The following SLC24A2 variants were observed in gnomAD, a reference collection of about 807,000 sequenced individuals.
SLC24A2 encodes the protein sodium/potassium/calcium exchanger 2.
A neutral mutation model predicts 62.0 loss-of-function variants in SLC24A2; 36 were observed. The ratio of observed to expected loss-of-function variants is 0.58; its 90% confidence interval spans 0.44 to 0.77. The LOEUF (loss-of-function observed/expected upper bound fraction) is 0.77, where lower values mean the gene tolerates loss of function less well. Among genes scored for constraint, SLC24A2 ranks in the 30% least tolerant of loss-of-function variants. SLC24A2 has a pLI of 0.00. For missense variants in SLC24A2, 846 were observed against 817.9 expected (o/e 1.03, Z -0.42); for synonymous variants, 358 against 294.0 (o/e 1.22, Z -2.23).
chr9:20,094,412 C>T, the SLC24A2 span, among the ~76,000 whole-genome samples: 10 of 152,108 alleles, frequency 6.6e-5, no homozygotes, highest in South Asian at 2.1e-4. Flanking sequence ...AAAGGAACTG[C>T]GAGTATTTGT....
chr9:20,091,044 G>A, the SLC24A2 span, among the ~76,000 whole-genome samples: 1 of 150,356 alleles, frequency 6.7e-6, no homozygotes, highest in Admixed American at 6.6e-5. Flanking sequence ...CACACCACAA[G>A]AATTTCACAA....
intron 8 of SLC24A2, among the ~76,000 whole-genome samples, chr9:19,536,762 C>A (rs1586913334): frequency 3.3e-5 from 1 of 30,194 alleles, no homozygotes; most frequent in Middle Eastern, 0.011. Flanking sequence ...TTCTAGATCC[C>A]TGAGGAATAG....
the SLC24A2 span, among the ~76,000 whole-genome samples, chr9:19,963,518 A>G: frequency 0.019 from 2,847 of 152,078 alleles, 45 homozygotes; most frequent in African/African-American, 0.063. Flanking sequence ...AAACAAATTT[A>G]CAAGAAAAAA....
intron 2 of SLC24A2, among the ~76,000 whole-genome samples, chr9:19,682,485 T>TA (rs1819751337): frequency 6.6e-6 from 1 of 152,114 alleles, no homozygotes; most frequent in African/African-American, 2.4e-5. Flanking sequence ...ACTAAAATAG[T>TA]AAAGGGGAAA....
chr9:20,206,261 T>C, the SLC24A2 span, among the ~76,000 whole-genome samples: 1 of 152,320 alleles, frequency 6.6e-6, no homozygotes, highest in Non-Finnish European at 1.5e-5. Context: ...TACATAACTG[T>C]GTCAGGCTGG....
chr9:19,555,016 CA>C (rs1563960187), intron 7 of SLC24A2, among the ~76,000 whole-genome samples: 1 of 152,112 alleles, frequency 6.6e-6, no homozygotes, highest in Non-Finnish European at 1.5e-5. Context: ...TAATGCAGGT[CA>C]GGGGGCCACA....
At chr9:19,879,249 G>A in the SLC24A2 span, among the ~76,000 whole-genome samples, 26 of 152,144 alleles carry the variant, frequency 1.7e-4, no homozygotes, top group African/African-American at 1.2e-4. Context: ...AGACAGGCTG[G>A]GAGTCAAGGA....
the SLC24A2 span, among the ~76,000 whole-genome samples, chr9:19,820,056 CACATATAT>C: frequency 1.7e-3 from 35 of 20,730 alleles, no homozygotes; most frequent in Middle Eastern, 0.083. Context: ...TATATATATA[CACATATAT>C]ATATATATAT....
chr9:19,523,863 C>T (rs990736976), intron 9 of SLC24A2, among the ~76,000 whole-genome samples: 13 of 152,104 alleles, frequency 8.5e-5, no homozygotes, highest in Non-Finnish European at 1.8e-4. Context: ...CTTACTGGGG[C>T]CAATTCACAT....
the SLC24A2 span, among the ~76,000 whole-genome samples, chr9:20,008,737 C>G: frequency 6.6e-6 from 1 of 152,154 alleles, no homozygotes; most frequent in Admixed American, 6.5e-5. Context: ...CCCCAAATTC[C>G]AAATTCCAGA....
intron 7 of SLC24A2, among the ~76,000 whole-genome samples, chr9:19,572,259 CAA>C (rs34529143): frequency 2.3e-3 from 158 of 69,764 alleles, no homozygotes; most frequent in African/African-American, 7.8e-3. Flanking sequence ...GAGTCCGTCT[CAA>C]AAAAAAAAAA....
the SLC24A2 span, among the ~76,000 whole-genome samples, chr9:19,897,547 G>C: frequency 6.6e-6 from 1 of 152,042 alleles, no homozygotes; most frequent in Non-Finnish European, 1.5e-5. Flanking sequence ...TTTTTACCTT[G>C]AAAGTCCATA....
the SLC24A2 span, among the ~76,000 whole-genome samples, chr9:20,300,036 T>C: frequency 1.6e-4 from 25 of 152,310 alleles, no homozygotes; most frequent in African/African-American, 6.0e-4. Context: ...AGTAAAGTAT[T>C]CTGAAATATA....
the SLC24A2 span, among the ~76,000 whole-genome samples, chr9:19,869,079 T>A: frequency 1.3e-5 from 2 of 152,244 alleles, no homozygotes; most frequent in Non-Finnish European, 2.9e-5. Context: ...CCACCTGGGC[T>A]CAAGTGATCC....
chr9:20,027,763 A>G, the SLC24A2 span, among the ~76,000 whole-genome samples: 1 of 152,192 alleles, frequency 6.6e-6, no homozygotes, highest in Non-Finnish European at 1.5e-5. Context: ...GATAATGACA[A>G]TATATGGTAT....
At chr9:19,808,140 C>T in the SLC24A2 span, among the ~76,000 whole-genome samples, 1 of 152,150 alleles carries the variant, frequency 6.6e-6, no homozygotes, top group African/African-American at 2.4e-5. This position sits in a 1 kb window ranked among gnomAD's most constrained non-coding sequence, Gnocchi z 4.1. Flanking sequence ...CTTCAGGCAC[C>T]TAAGAAATAG....
chr9:19,946,539 A>T, the SLC24A2 span, among the ~76,000 whole-genome samples: 1 of 152,178 alleles, frequency 6.6e-6, no homozygotes, highest in Non-Finnish European at 1.5e-5. Flanking sequence ...CAAACGACCC[A>T]TTTTGCCTTA....
the SLC24A2 span, among the ~76,000 whole-genome samples, chr9:20,167,831 C>T: frequency 1.3e-5 from 2 of 151,864 alleles, no homozygotes; most frequent in East Asian, 3.9e-4. Context: ...GCAATCCTCC[C>T]ACCTCAACTT....
chr9:19,526,212 AT>A (rs1237105268), intron 9 of SLC24A2, among the ~76,000 whole-genome samples: 2 of 152,312 alleles, frequency 1.3e-5, no homozygotes. Flanking sequence ...GTAATATTCC[AT>A]TGTATGGATA....
Sources: allele counts gnomAD v4.1 joint callset (sites outside exome capture counted in the v4.1 genomes callset), GRCh38; gene constraint gnomAD v4.1.1; non-coding constraint Gnocchi (gnomAD v3.1); transcripts MANE v1.5; gene names NCBI Gene and HGNC (gene_info 2026-07-23, HGNC 2026-07-21).